EIF4G1: variants seen among roughly 807,000 people sequenced by gnomAD.
The protein encoded by EIF4G1 is eukaryotic translation initiation factor 4 gamma 1.
In EIF4G1, 4 loss-of-function variants were observed where a neutral mutation model predicts 187.8. The ratio of observed to expected loss-of-function variants is 0.02; its 90% CI spans 0.01 to 0.05. The LOEUF is 0.05. Among genes scored for constraint, EIF4G1 ranks in the 10% least tolerant of loss-of-function variants. The pLI is 1.00. For synonymous variants in EIF4G1, 844 were observed against 781.4 expected (o/e 1.08, Z -1.34); for missense variants, 1,647 against 2,081.1 (o/e 0.79, Z 4.06).
At chr3:184,315,931 C>T in intron 3 of EIF4G1, 75 bp downstream of exon 3, 16 of 1,513,688 alleles carry the variant, frequency 1.1e-5, no homozygotes, top group Middle Eastern at 2.0e-4. Context: ...CTTCCTACCC[C>T]CATCTGTGTC....
chr3:184,327,628 C>T lies in EIF4G1; in HGVS notation c.3704C>T (p.Ala1235Val), dbSNP rs199929867. 147 of 1,614,066 alleles carry T rather than the reference C, an allele frequency of 9.1e-5. No individual in the cohort carries two copies. Among genetic ancestry groups the T allele is most frequent in the Middle Eastern group, 1.6e-4 (1 of 6,084 alleles). The change falls in exon 25 of 33, where the codon GCG (alanine) becomes GTG (valine). Residue 1235 changes from alanine to valine, a missense_variant. Coordinates refer to ENST00000346169, the MANE Select transcript of EIF4G1 (RefSeq NM_198241.3). ...CTACCCCCAGTGAGCCCCCTGAAGG[C>T]GGCTCTCTCTGAGGAGGAGTTAGAG... ...AALPPVSPLK[A>V]ALSEEELEKK...
rs987743082 is a variant in EIF4G1, at chr3:184,320,478, T to C, written c.538-152T>C. The stretch of plus-strand genomic sequence containing the variant: ...GGCAGGGACTACGAGAGCAGCCAGA[T>C]GGGCTGAAAGTGGAACTCAAGGGGT... On this transcript the variant is annotated intron_variant, in intron 7 of 32. Coordinates refer to ENST00000346169, the MANE Select transcript of EIF4G1 (RefSeq NM_198241.3). 12 of 1,535,100 alleles carry C rather than the reference T, an allele frequency of 7.8e-6. No homozygotes were observed. In the African/African-American group the frequency reaches 1.6e-4, roughly 21 times the overall value.
At chr3:184,330,986 C>T (rs1725980857) in intron 28 of EIF4G1, among the ~76,000 whole-genome samples, 1 of 152,188 alleles carries the variant, frequency 6.6e-6, no homozygotes, top group Admixed American at 6.5e-5. Context: ...GTGATCCGCC[C>T]ACCTCGACCT....
intron 7 of EIF4G1, chr3:184,320,426 C>T (rs1577200121): frequency 2.7e-6 from 4 of 1,478,794 alleles, no homozygotes; most frequent in Admixed American, 2.2e-5. Context: ...TCTGTGAGAT[C>T]AAGGGTCTCT....
chr3:184,320,928 C>T lies in EIF4G1; in HGVS notation c.632C>T (p.Thr211Met), dbSNP rs762038648. 1.4e-5 allele frequency: 23 copies of T among 1,614,060 alleles called. No individual in the cohort carries two copies. Among genetic ancestry groups the T allele is most frequent in the African/African-American group, 4.0e-5 (3 of 74,930 alleles). ...TTGGTAACCCTTTGTGTCCTGCAGA[C>T]GGGAGGCGGTCTGGAGCCTCAAGCT... ...RTASTPTPPQTGGGLEPQANG... is the reference protein window; with the variant it reads ...RTASTPTPPQMGGGLEPQANG... The change falls in exon 9 of 33, where the codon ACG becomes ATG. Residue 211 changes from threonine (T) to methionine (M), a missense_variant and splice_region_variant. Physicochemically the swap from Thr to Met is moderately conservative, Grantham distance 81. Around this residue, in one of 11 missense-constraint regions of EIF4G1, gnomAD observed 18 missense variants for 22.5 expected, o/e 0.80. Coordinates refer to ENST00000346169, the MANE Select transcript of EIF4G1 (RefSeq NM_198241.3).
intron 3 of EIF4G1, 69 bp from the exon 4 acceptor site, chr3:184,316,063 T>C: frequency 1.9e-6 from 3 of 1,602,184 alleles, no homozygotes; most frequent in African/African-American, 1.3e-5. Context: ...GCTCCCCTTA[T>C]TTCACCAGCT....
Position 184,322,039 on chromosome 3 carries a change from C to G in EIF4G1, c.1455C>G (p.Pro485=). The change falls in exon 10 of 33, where the codon CCC becomes CCG. Residue 485 remains proline (P), a synonymous_variant. Transcript: ENST00000346169. ...AGAAAGGAGGAGAGGAACTGCTCCC[C>G]CCAGAGAGTACCCCTATTCCAGCCA... ...ESEKGGEELL[P]PESTPIPANL... is the part of the protein sequence containing the mutation. The G allele has an allele frequency of 3.1e-6, 5 of 1,614,098 alleles. No individual in the cohort carries two copies. The highest frequency in any genetic ancestry group is 1.1e-5 in the South Asian group (1 of 91,090).
intron 8 of EIF4G1, 63 bp from the exon 9 acceptor site, chr3:184,320,864 C>T: frequency 1.2e-6 from 2 of 1,609,622 alleles, no homozygotes; most frequent in South Asian, 1.1e-5. Context: ...GTAGAAATGG[C>T]TCTAGTAAAG....
In EIF4G1 at chr3:184,316,177, C is replaced by A. The variant is rs764186000; in HGVS notation, c.106C>A (p.Pro36Thr). The stretch of plus-strand genomic sequence containing the variant: ...GACAGCGCCGGTGGTGTTCAGTACG[C>A]CACAAGCGACACAAATGAACACGCC... ...GQTAPVVFST[P>T]QATQMNTPSQ... Residue 36 changes from proline to threonine, a missense_variant, in exon 4 of 33, where the codon CCA becomes ACA. By Grantham distance (38) the Pro-to-Thr change is conservative. This residue lies in a region of EIF4G1 where 61 missense variants were observed against 49.5 expected (regional missense o/e 1.23). Transcript: ENST00000346169. 6.2e-7 allele frequency: 1 copy of A among 1,614,110 alleles called. No individual in the cohort carries two copies. Among genetic ancestry groups the A allele is most frequent in the South Asian group, 1.1e-5 (1 of 91,080 alleles).
In EIF4G1 at chr3:184,317,477, G is replaced by A. The variant is rs761253185; in HGVS notation, c.304G>A (p.Ala102Thr). 6.2e-7 allele frequency: 1 copy of A among 1,613,946 alleles called. No homozygotes were observed. The highest frequency in any genetic ancestry group is 1.1e-5 in the South Asian group (1 of 91,074). ...GATCTCCTACCCAGCCTCCCAGGGG[G>A]CCTACTACATCCCTGGACAGGTGAG... Reference protein sequence around the residue: ...SQISYPASQGAYYIPGQGRST... With the variant: ...SQISYPASQGTYYIPGQGRST... Residue 102 changes from alanine to threonine, a missense_variant, in exon 5 of 33, where the codon GCC (alanine) becomes ACC (threonine). Coordinates refer to ENST00000346169, the MANE Select transcript of EIF4G1 (RefSeq NM_198241.3).
chr3:184,326,624 A>G lies in EIF4G1; in HGVS notation c.3320A>G (p.Asp1107Gly). 6.2e-7 allele frequency: 1 copy of G among 1,609,568 alleles called. No homozygotes were observed. The highest frequency in any genetic ancestry group is 8.5e-7 in the Non-Finnish European group (1 of 1,180,008). ...GGAGGCTCAGGAGCCAAGCCCTCAGACGCAGGTATGGAGGCAGTGTCAGGA... is the reference window on the plus strand; with the variant it reads ...GGAGGCTCAGGAGCCAAGCCCTCAGGCGCAGGTATGGAGGCAGTGTCAGGA... ...SSGGSGAKPS[D>G]AASEAARPAT... Residue 1107 changes from aspartate to glycine, a missense_variant, in exon 22 of 33, where the codon GAC (aspartate) becomes GGC (glycine). Physicochemically the swap from Asp to Gly is moderately conservative, Grantham distance 94. This residue lies in a region of EIF4G1 where 142 missense variants were observed against 296.6 expected (regional missense o/e 0.48). Coordinates refer to ENST00000346169, the MANE Select transcript of EIF4G1 (RefSeq NM_198241.3).
intron 32 of EIF4G1, among the ~76,000 whole-genome samples, chr3:184,333,864 A>G (rs1449292005): frequency 1.3e-5 from 2 of 152,038 alleles, no homozygotes; most frequent in East Asian, 3.9e-4. Flanking sequence ...CTGGGTGGGT[A>G]TGTGTGGGAT....
At chr3:184,331,647 T>TAGG in intron 30 of EIF4G1, 41 bp downstream of exon 30, 1 of 1,486,102 alleles carries the variant, frequency 6.7e-7, no homozygotes. Context: ...AGGTAGTTCT[T>TAGG]AGGGTGGGGG....
chr3:184,325,297 T>C lies in EIF4G1; in HGVS notation c.2885T>C (p.Met962Thr). ...KPRMDQYFNQ[M>T]EKIIKEKKTS... ...CGAATGGATCAGTATTTCAACCAGA[T>C]GGAAAAAATCATTAAAGAAAAGAAG... The change falls in exon 19 of 33, where the codon ATG becomes ACG. Residue 962 changes from methionine (M) to threonine (T), a missense_variant. Coordinates refer to ENST00000346169, the MANE Select transcript of EIF4G1 (RefSeq NM_198241.3). The surrounding 1 kb of genome is among the most constrained non-coding windows in gnomAD (Gnocchi z 5.2). 1 of 1,614,142 alleles carries C rather than the reference T, an allele frequency of 6.2e-7. No homozygotes were observed.
chr3:184,326,622 A>G lies in EIF4G1; in HGVS notation c.3318A>G (p.Ser1106=), dbSNP rs769956216. Residue 1106 remains serine, a synonymous_variant, in exon 22 of 33, where the codon TCA becomes TCG. Transcript: ENST00000346169. ...GSSGGSGAKP[S]DAASEAARPA... ...GCGGAGGCTCAGGAGCCAAGCCCTC[A>G]GACGCAGGTATGGAGGCAGTGTCAG... 1 of 1,609,672 alleles carries G rather than the reference A, an allele frequency of 6.2e-7. No homozygotes were observed. Among genetic ancestry groups the G allele is most frequent in the Non-Finnish European group, 8.5e-7 (1 of 1,180,016 alleles).
At position 184,319,809 on chromosome 3, in the gene EIF4G1, G is replaced by A. The variant is rs760689596; in HGVS notation, c.537+8G>A. The A allele has an allele frequency of 2.1e-5, 32 of 1,557,438 alleles. No individual in the cohort carries two copies. The South Asian group carries it at 3.7e-4, about 18-fold the overall frequency. Reference sequence around the variant, plus strand: ...AAGAGGGAGCGTAAGACGGTGAGTAGCAGTGAGGGGCTCCGGGACATCTGG... The same window carrying A: ...AAGAGGGAGCGTAAGACGGTGAGTAACAGTGAGGGGCTCCGGGACATCTGG... On this transcript the variant is annotated splice_region_variant and intron_variant, in intron 7 of 32. Coordinates refer to ENST00000346169, the MANE Select transcript of EIF4G1 (RefSeq NM_198241.3).
intron 1 of EIF4G1, chr3:184,315,152 C>T: frequency 2.9e-6 from 1 of 344,644 alleles, no homozygotes; most frequent in Non-Finnish European, 5.7e-6. Context: ...CGCCCGCCCT[C>T]CGGGCCGACC....
At position 184,325,613 on chromosome 3, in the gene EIF4G1, G is replaced by A. The variant is rs1724732147; in HGVS notation, c.3095G>A (p.Arg1032Gln). 5 of 1,614,086 alleles carry A rather than the reference G, an allele frequency of 3.1e-6. No individual in the cohort carries two copies. Among genetic ancestry groups the A allele is most frequent in the African/African-American group, 1.3e-5 (1 of 74,934 alleles). ...QLMAKGSDKRRGGPPGPPISR... is the reference protein window; with the variant it reads ...QLMAKGSDKRQGGPPGPPISR... Reference sequence around the variant, plus strand: ...ATGGCCAAGGGCAGTGACAAGCGTCGGGGCGGTCCTCCAGGCCCTCCCATC... The same window carrying A: ...ATGGCCAAGGGCAGTGACAAGCGTCAGGGCGGTCCTCCAGGCCCTCCCATC... Residue 1032 changes from arginine to glutamine, a missense_variant, in exon 20 of 33, where the codon CGG becomes CAG. Around this residue, in one of 11 missense-constraint regions of EIF4G1, gnomAD observed 142 missense variants for 296.6 expected, o/e 0.48. Coordinates refer to ENST00000346169, the MANE Select transcript of EIF4G1 (RefSeq NM_198241.3). The surrounding 1 kb of genome is among the most constrained non-coding windows in gnomAD (Gnocchi z 5.2).
chr3:184,315,315 C>T (rs1398356498), intron 1 of EIF4G1, 174 bp from the exon 2 acceptor site: 2 of 497,126 alleles, frequency 4.0e-6, no homozygotes, highest in Non-Finnish European at 8.0e-6. Flanking sequence ...TCCTGTGTGC[C>T]CCTGGGCCAG....
Sources: allele counts gnomAD v4.1 joint callset (sites outside exome capture counted in the v4.1 genomes callset), GRCh38; gene constraint gnomAD v4.1.1; regional missense constraint gnomAD v4.1.1; non-coding constraint Gnocchi (gnomAD v3.1); transcripts MANE v1.5; gene names NCBI Gene and HGNC (gene_info 2026-07-23, HGNC 2026-07-21).